Variants in NRG1 observed in about 807,000 individuals in gnomAD.
NRG1 encodes the protein neuregulin 1.
A neutral mutation model predicts 63.8 loss-of-function variants in NRG1; 18 were observed. The observed-to-expected ratio is 0.28, with a 90% CI of 0.19 to 0.42. NRG1 has a LOEUF of 0.42. Ranked by LOEUF, NRG1 falls within the 10% of genes least tolerant of loss-of-function variation. The pLI, the probability that NRG1 is intolerant of heterozygous loss-of-function variation, is 1.00. For synonymous variants in NRG1, 302 were observed against 301.3 expected (o/e 1.00, Z -0.02); for missense variants, 762 against 814.7 (o/e 0.94, Z 0.79).
At chr8:32,755,500 G>A (rs1829509513) in intron 8 of NRG1, among the ~76,000 whole-genome samples, 1 of 152,104 alleles carries the variant, frequency 6.6e-6, no homozygotes, top group Non-Finnish European at 1.5e-5. Flanking sequence ...CCTTCCTGGA[G>A]TCGACCTGGT....
intron 1 of NRG1, among the ~76,000 whole-genome samples, chr8:32,166,941 T>G (rs1442116822): frequency 6.6e-6 from 1 of 152,186 alleles, no homozygotes; most frequent in African/African-American, 2.4e-5. Flanking sequence ...AAAATGGACA[T>G]TAAACTATGG....
intron 1 of NRG1, among the ~76,000 whole-genome samples, chr8:32,145,611 G>A (rs1238347757): frequency 6.6e-6 from 1 of 152,168 alleles, no homozygotes; most frequent in Non-Finnish European, 1.5e-5. Context: ...GCATGGCGCT[G>A]TGTCTACCCC....
At chr8:31,743,495 A>T (rs1815511967) in intron 1 of NRG1, among the ~76,000 whole-genome samples, 1 of 151,990 alleles carries the variant, frequency 6.6e-6, no homozygotes, top group African/African-American at 2.4e-5. Context: ...TTATGTGCAC[A>T]CTAAGACTAG....
At chr8:31,758,706 G>T (rs1817232026) in intron 1 of NRG1, among the ~76,000 whole-genome samples, 1 of 152,044 alleles carries the variant, frequency 6.6e-6, no homozygotes, top group African/African-American at 2.4e-5. Context: ...TTCCAGTTTG[G>T]GAATATTATG....
chr8:32,266,903 G>A (rs1851010439), intron 1 of NRG1, among the ~76,000 whole-genome samples: 1 of 146,416 alleles, frequency 6.8e-6, no homozygotes, highest in Admixed American at 6.8e-5. Flanking sequence ...AAAAAAATTA[G>A]CCAGACGTGG....
chr8:31,647,281 T>A (rs1804377322), intron 1 of NRG1, among the ~76,000 whole-genome samples: 1 of 152,232 alleles, frequency 6.6e-6, no homozygotes, highest in Non-Finnish European at 1.5e-5. Context: ...AGGTTTTAGA[T>A]CAGTTCCTCT....
At chr8:31,988,059 A>G (rs1458686428) in intron 1 of NRG1, among the ~76,000 whole-genome samples, 1 of 152,132 alleles carries the variant, frequency 6.6e-6, no homozygotes, top group African/African-American at 2.4e-5. Context: ...ACTAACTGTA[A>G]TAGTACTTTG....
At chr8:32,608,453 C>T (rs1267746929) in intron 3 of NRG1, among the ~76,000 whole-genome samples, 1 of 152,270 alleles carries the variant, frequency 6.6e-6, no homozygotes, top group East Asian at 1.9e-4. Flanking sequence ...GTCTACCCAC[C>T]TTGAACTCCC....
At chr8:32,483,734 G>T (rs1825574798) in intron 1 of NRG1, among the ~76,000 whole-genome samples, 1 of 152,142 alleles carries the variant, frequency 6.6e-6, no homozygotes, top group Non-Finnish European at 1.5e-5. Context: ...ATGTGGGTGG[G>T]CAGGGACCCC....
chr8:32,275,715 C>T lies in NRG1; in HGVS notation c.38-320113C>T, dbSNP rs75309993. ...TGAGTTTCTCAAACTCCAGTGTCTG[C>T]GCAAATCCCCCAGGGATCTTGTGAA... is the stretch of plus-strand genomic sequence containing the variant. On this transcript the variant is annotated intron_variant, in intron 1 of 10. Transcript: ENST00000519301. 4.9e-4 allele frequency among the ~76,000 whole-genome samples: 75 copies of T among 152,190 alleles called. 1 individual carries two copies. The East Asian group carries it at 0.012, about 24-fold the overall frequency.
chr8:32,171,308 T>C (rs1840006458), intron 1 of NRG1: 1 of 152,208 alleles, frequency 6.6e-6, no homozygotes, highest in South Asian at 2.1e-4. Flanking sequence ...ATGTGTGCCA[T>C]GGTTGTTTGC....
At chr8:31,982,754 A>G (rs1809366032) in intron 1 of NRG1, among the ~76,000 whole-genome samples, 1 of 152,100 alleles carries the variant, frequency 6.6e-6, no homozygotes, top group Non-Finnish European at 1.5e-5. Context: ...TCTCTCATGA[A>G]ATTAATTGAG....
chr8:32,004,284 T>C (rs1224757830), intron 1 of NRG1, among the ~76,000 whole-genome samples: 2 of 151,636 alleles, frequency 1.3e-5, no homozygotes, highest in Non-Finnish European at 2.9e-5. Flanking sequence ...ACAGGGCATA[T>C]TGAGGGCAGT....
At chr8:32,686,723 G>T (rs1810244755) in intron 5 of NRG1, among the ~76,000 whole-genome samples, 1 of 152,210 alleles carries the variant, frequency 6.6e-6, no homozygotes, top group Non-Finnish European at 1.5e-5. Flanking sequence ...GGAGTACATT[G>T]AGCAAGGTTT....
chr8:32,275,338 C>G (rs567216758), intron 1 of NRG1, among the ~76,000 whole-genome samples: 1 of 152,140 alleles, frequency 6.6e-6, no homozygotes, highest in South Asian at 2.1e-4. Flanking sequence ...TCTCATGAAC[C>G]TGGAGACAGA....
At chr8:32,163,846 G>A (rs183910414) in intron 1 of NRG1, among the ~76,000 whole-genome samples, 278 of 152,214 alleles carry the variant, frequency 1.8e-3, no homozygotes, top group African/African-American at 6.5e-3. Context: ...TTCATTTCAC[G>A]CTAGGAAGTC....
chr8:32,099,569 A>G (rs80094831), intron 1 of NRG1: 12,690 of 152,264 alleles, frequency 0.083, 800 homozygotes, highest in East Asian at 0.3. Flanking sequence ...GAAGGACTTA[A>G]GAAGAATAGG....
chr8:32,235,474 A>T (rs1359455868), intron 1 of NRG1, among the ~76,000 whole-genome samples: 2 of 152,152 alleles, frequency 1.3e-5, no homozygotes, highest in East Asian at 1.9e-4. Flanking sequence ...TCTCCATATC[A>T]GTGAATCTCA....
chr8:31,676,650 G>T (rs1156837956), intron 1 of NRG1, among the ~76,000 whole-genome samples: 1 of 152,174 alleles, frequency 6.6e-6, no homozygotes, highest in African/African-American at 2.4e-5. Flanking sequence ...GGGTTCTGGT[G>T]CATGCGCACA....
Sources: gnomAD v4.1 joint callset for allele counts (sites outside exome capture counted in the v4.1 genomes callset) on GRCh38, gnomAD v4.1.1 for gene constraint, MANE v1.5 for transcripts, NCBI Gene and HGNC (gene_info 2026-07-23, HGNC 2026-07-21) for gene names.